RNF103: variants seen among roughly 807,000 people sequenced by gnomAD.
The protein encoded by RNF103 is E3 ubiquitin-protein ligase RNF103.
A neutral mutation model predicts 66.2 loss-of-function variants in RNF103; 23 were observed. The observed-to-expected ratio is 0.35, with a 90% CI of 0.25 to 0.49. The LOEUF (loss-of-function observed/expected upper bound fraction) is 0.49, where lower values mean the gene tolerates loss of function less well. Among genes scored for constraint, RNF103 ranks in the 20% least tolerant of loss-of-function variants. The probability of loss-of-function intolerance (pLI) is 0.98; values close to 1 mark genes in which losing one functional copy is unlikely to be tolerated. For missense variants in RNF103, 730 were observed against 814.7 expected (o/e 0.90, Z 1.27); for synonymous variants, 297 against 289.9 (o/e 1.02, Z -0.25).
rs1156621132 is a variant in RNF103, at chr2:86,604,573, T to G, written c.1328A>C (p.Asn443Thr). Residue 443 changes from asparagine (N) to threonine (T), a missense_variant, in exon 4 of 4, where the codon AAC (asparagine) becomes ACC (threonine). Coordinates refer to ENST00000237455, the MANE Select transcript of RNF103 (RefSeq NM_005667.4). ...YFEKKRRRNN[N>T]NDEVNANNLE... ...GTTATTGGCATTGACTTCATCATTG[T>G]TGTTGTTGCGCCTTCTCTTCTTCTC... is the stretch of plus-strand genomic sequence containing the variant. 9.9e-6 allele frequency: 16 copies of G among 1,614,064 alleles called. No homozygotes were observed. Among genetic ancestry groups the G allele is most frequent in the Non-Finnish European group, 1.4e-5 (16 of 1,180,038 alleles).
chr2:86,608,728 C>T (rs1053123467), intron 3 of RNF103, among the ~76,000 whole-genome samples: 7 of 152,030 alleles, frequency 4.6e-5, no homozygotes, highest in Non-Finnish European at 1.5e-5. Flanking sequence ...TCTATCTTCT[C>T]TTTACTAATC....
At position 86,622,727 on chromosome 2, in the gene RNF103, A is replaced by C. The variant is rs1330813972; in HGVS notation, c.160T>G (p.Cys54Gly). ...SFKKLKTILE[C>G]RGLGYSGLPE... Reference sequence around the variant, plus strand: ...AACCCTGAGTAGCCCAACCCCCGGCACTCCAAAATGGTCTTCAGCTTCTTG... The same window carrying C: ...AACCCTGAGTAGCCCAACCCCCGGCCCTCCAAAATGGTCTTCAGCTTCTTG... The change falls in exon 1 of 4, where the codon TGC (cysteine) becomes GGC (glycine). Residue 54 changes from cysteine to glycine, a missense_variant. Around this residue, in one of 3 missense-constraint regions of RNF103, gnomAD observed 327 missense variants for 369.8 expected, o/e 0.88. Coordinates refer to ENST00000237455, the MANE Select transcript of RNF103 (RefSeq NM_005667.4). 2 of 1,613,860 alleles carry C rather than the reference A, an allele frequency of 1.2e-6. No individual in the cohort carries two copies. Among genetic ancestry groups the C allele is most frequent in the African/African-American group, 2.7e-5 (2 of 74,852 alleles).
At chr2:86,617,257 T>G (rs1573367172) in intron 2 of RNF103, 18 of 985,446 alleles carry the variant, frequency 1.8e-5, no homozygotes, top group Non-Finnish European at 1.9e-5. Context: ...TCTTCATTTA[T>G]GAAAACACTC....
chr2:86,611,859 T>C (rs1037218522), intron 3 of RNF103, among the ~76,000 whole-genome samples: 10 of 151,348 alleles, frequency 6.6e-5, no homozygotes, highest in African/African-American at 2.4e-4. Flanking sequence ...AAAAGAAAGG[T>C]GAAATGAAAA....
At chr2:86,614,634 G>T in intron 2 of RNF103, 1 of 482,790 alleles carries the variant, frequency 2.1e-6, no homozygotes, top group Non-Finnish European at 2.7e-6. Flanking sequence ...GTTGTACCTA[G>T]AAAATTAGGA....
Position 86,623,243 on chromosome 2 carries a change from G to A in RNF103, c.-357C>T, listed in dbSNP as rs1177113786. ...AAACGAGGGACGCTTCCCCCGGGGC[G>A]GGCACTGACCCAGGTGGCGGGGTCG... is the stretch of plus-strand genomic sequence containing the variant. On this transcript the variant is annotated 5_prime_UTR_variant, in exon 1 of 4. Transcript: ENST00000237455. 2.0e-6 allele frequency: 2 copies of A among 1,008,836 alleles called. No individual in the cohort carries two copies. Among genetic ancestry groups the A allele is most frequent in the Non-Finnish European group, 2.4e-6 (2 of 847,024 alleles). The allele number at this position is 1,008,836 out of a possible 1,614,324, so 62.5% of individuals were successfully genotyped here.
At chr2:86,619,054 A>T (rs946712137) in intron 2 of RNF103, among the ~76,000 whole-genome samples, 2 of 152,180 alleles carry the variant, frequency 1.3e-5, no homozygotes, top group Non-Finnish European at 2.9e-5. Context: ...GAACAATGTA[A>T]ATCTCTGGAA....
At position 86,603,500 on chromosome 2, in the gene RNF103, A is replaced by T. The variant is rs1314895389; in HGVS notation, c.*343T>A. On this transcript the variant is annotated 3_prime_UTR_variant, in exon 4 of 4. Coordinates refer to ENST00000237455, the MANE Select transcript of RNF103 (RefSeq NM_005667.4). ...TGCTGGACAGAGATTGTAAAAAGGG[A>T]GGAAACATTTAGGATAAGAAACCGG... The T allele has an allele frequency of 2.2e-5, 5 of 230,116 alleles. No individual in the cohort carries two copies. In the South Asian group the frequency reaches 4.8e-4, roughly 22 times the overall value. 14.3% of individuals were successfully genotyped at this position (230,116 alleles called of 1,614,324 possible).
chr2:86,619,578 TAC>T (rs1467502272), intron 2 of RNF103, among the ~76,000 whole-genome samples: 1 of 152,344 alleles, frequency 6.6e-6, no homozygotes, highest in African/African-American at 2.4e-5. Context: ...ACTTTGAATG[TAC>T]AGTTTTAAAA....
chr2:86,615,228 G>C, intron 2 of RNF103: 2 of 985,386 alleles, frequency 2.0e-6, no homozygotes, highest in Non-Finnish European at 2.4e-6. Flanking sequence ...ATTTGGTTTT[G>C]AAGAGTTTAA....
chr2:86,617,990 G>A (rs1367256500), intron 2 of RNF103: 1 of 475,140 alleles, frequency 2.1e-6, no homozygotes, highest in Admixed American at 2.4e-5. Context: ...AGACAGTGGT[G>A]GTCAATGCAA....
In RNF103 at chr2:86,604,011, A is replaced by C. The variant is rs751945777; in HGVS notation, c.1890T>G (p.Asn630Lys). 1.2e-6 allele frequency: 2 copies of C among 1,614,154 alleles called. No homozygotes were observed. Among genetic ancestry groups the C allele is most frequent in the Non-Finnish European group, 1.7e-6 (2 of 1,180,030 alleles). The change falls in exon 4 of 4, where the codon AAT becomes AAG. Residue 630 changes from asparagine to lysine, a missense_variant. Transcript: ENST00000237455. ...AAGGCAACCCCATTAGCAAACATCC[A>C]TTTTCAAAATTCTCTAGGCAAACAA... ...ECVVCLENFE[N>K]GCLLMGLPCG...
intron 3 of RNF103, among the ~76,000 whole-genome samples, chr2:86,608,057 C>T (rs1678638603): frequency 6.6e-6 from 1 of 152,098 alleles, no homozygotes; most frequent in Non-Finnish European, 1.5e-5. Context: ...TGAACAAATT[C>T]AATGACAATA....
Position 86,623,015 on chromosome 2 carries a change from G to C in RNF103, c.-129C>G, listed in dbSNP as rs1034059968. ...GTCCACGCGCGGGCCACCCGGCGCCGTCACTGGCCGGCCATCCCCGGCGGG... is the reference window on the plus strand; with the variant it reads ...GTCCACGCGCGGGCCACCCGGCGCCCTCACTGGCCGGCCATCCCCGGCGGG... On this transcript the variant is annotated 5_prime_UTR_variant, in exon 1 of 4. Transcript: ENST00000237455. 6 of 1,366,018 alleles carry C rather than the reference G, an allele frequency of 4.4e-6. No homozygotes were observed. The African/African-American group carries it at 9.3e-5, about 21-fold the overall frequency. The allele number at this position is 1,366,018 out of a possible 1,614,324, so 84.6% of individuals were successfully genotyped here.
chr2:86,612,603 T>C (rs1317786819), intron 2 of RNF103: 3 of 176,024 alleles, frequency 1.7e-5, no homozygotes, highest in East Asian at 3.0e-4. Context: ...AGGAAGAAAA[T>C]GGCCCTTGGA....
At position 86,604,617 on chromosome 2, in the gene RNF103, A is replaced by T. The variant is rs750347254; in HGVS notation, c.1284T>A (p.Gly428=). 59 of 1,614,086 alleles carry T rather than the reference A, an allele frequency of 3.7e-5. No individual in the cohort carries two copies. Among genetic ancestry groups the T allele is most frequent in the Non-Finnish European group, 4.8e-5 (57 of 1,180,052 alleles). ...ALFLSTYLGH[G]LLIDYFEKKR... ...TCTTCTCAAAGTAATCAATTAGTAAACCATGACCAAGGTATGTACTGAGAA... is the reference window on the plus strand; with the variant it reads ...TCTTCTCAAAGTAATCAATTAGTAATCCATGACCAAGGTATGTACTGAGAA... The change falls in exon 4 of 4, where the codon GGT becomes GGA. Residue 428 remains glycine (G), a synonymous_variant. Transcript: ENST00000237455.
At chr2:86,618,686 G>A (rs1420547250) in intron 2 of RNF103, 1 of 152,168 alleles carries the variant, frequency 6.6e-6, no homozygotes, top group Non-Finnish European at 1.5e-5. Context: ...TTCAATGTGG[G>A]TGACATTTAG....
At chr2:86,609,149 T>C (rs1236285705) in intron 3 of RNF103, among the ~76,000 whole-genome samples, 3 of 152,172 alleles carry the variant, frequency 2.0e-5, no homozygotes, top group Admixed American at 6.5e-5. Flanking sequence ...GTTCTAGCTT[T>C]GGCAAGACTG....
chr2:86,605,425 G>A lies in RNF103; in HGVS notation c.483-7C>T. On this transcript the variant is annotated splice_region_variant and splice_polypyrimidine_tract_variant and intron_variant, in intron 3 of 3. Coordinates refer to ENST00000237455, the MANE Select transcript of RNF103 (RefSeq NM_005667.4). The stretch of plus-strand genomic sequence containing the variant: ...GCCTCTTCTCCTGCAATATCTACAA[G>A]AGAGGAAACTGTAAATAAACAGCTA... The A allele has an allele frequency of 6.3e-7, 1 of 1,582,832 alleles. No homozygotes were observed. Among genetic ancestry groups the A allele is most frequent in the Non-Finnish European group, 8.6e-7 (1 of 1,167,802 alleles).
Sources: allele counts gnomAD v4.1 joint callset (sites outside exome capture counted in the v4.1 genomes callset), GRCh38; gene constraint gnomAD v4.1.1; regional missense constraint gnomAD v4.1.1; transcripts MANE v1.5; gene names NCBI Gene and HGNC (gene_info 2026-07-23, HGNC 2026-07-21).